The following TNFRSF1A variants were observed in gnomAD, a reference collection of about 807,000 sequenced individuals.
TNFRSF1A encodes the protein tumor necrosis factor receptor superfamily member 1A.
TNFRSF1A carries 9 observed loss-of-function variants against 41.6 expected under a neutral mutation model. The ratio of observed to expected loss-of-function variants is 0.22; its 90% CI spans 0.13 to 0.38. The LOEUF (loss-of-function observed/expected upper bound fraction) is 0.38, where lower values mean the gene tolerates loss of function less well. Ranked by LOEUF, TNFRSF1A falls within the 10% of genes least tolerant of loss-of-function variation. TNFRSF1A has a pLI of 1.00. For missense variants in TNFRSF1A, 463 were observed against 591.5 expected, an observed-to-expected ratio of 0.78 and a Z score of 2.25; for synonymous variants, 254 against 248.6, an observed-to-expected ratio of 1.02 and a Z score of -0.21.
At position 6,341,926 on chromosome 12, in the gene TNFRSF1A, GGT is replaced by G. The variant is rs1948200989; in HGVS notation, c.-114_-113del. On this transcript the variant is annotated 5_prime_UTR_variant, in exon 1 of 10. An upstream open reading frame in the 5' UTR gains an earlier in-frame stop. Transcript: ENST00000162749. The surrounding 1 kb of genome is among the most constrained non-coding windows in gnomAD (Gnocchi z 4.6). ...GTCCAGGACGTCCCAAGTGCCTTGGGGTGACAGTTGAGGGTTGAGACTCGGGC... is the reference window on the plus strand; with the variant it reads ...GTCCAGGACGTCCCAAGTGCCTTGGGGACAGTTGAGGGTTGAGACTCGGGC... The G allele has an allele frequency of 8.4e-7, 1 of 1,185,184 alleles. No homozygotes were observed. Among genetic ancestry groups the G allele is most frequent in the African/African-American group, 1.5e-5 (1 of 66,544 alleles). The allele number at this position is 1,185,184 out of a possible 1,614,324, so 73.4% of individuals were successfully genotyped here. A position where few individuals can be genotyped will look rare whatever the true frequency, so the allele number is the denominator to read the frequency against.
At position 6,329,821 on chromosome 12, in the gene TNFRSF1A, A is replaced by G. The variant is rs1305780455; in HGVS notation, c.1014T>C (p.Leu338=). Residue 338 remains leucine (L), a synonymous_variant, in exon 9 of 10, where the codon CTT becomes CTC. Coordinates refer to ENST00000162749, the MANE Select transcript of TNFRSF1A (RefSeq NM_001065.4). The part of the protein sequence containing the change: ...ALASDPIPNP[L]QKWEDSAHKP... ...TGTGGGCGCTGTCCTCCCACTTCTG[A>G]AGGGGGTTGGGGATGGGGTCGGAGG... The G allele has an allele frequency of 6.2e-7, 1 of 1,604,152 alleles. No homozygotes were observed. The highest frequency in any genetic ancestry group is 8.5e-7 in the Non-Finnish European group (1 of 1,176,738).
At chr12:6,332,000 C>CAAAA (rs750532640) in intron 5 of TNFRSF1A, 197 of 78,548 alleles carry the variant, frequency 2.5e-3, no homozygotes, top group Middle Eastern at 7.6e-3. Flanking sequence ...GACTCTGTGT[C>CAAAA]AAAAAAAAAA....
chr12:6,341,910 G>T lies in TNFRSF1A; in HGVS notation c.-96C>A. 2 of 1,376,180 alleles carry T rather than the reference G, an allele frequency of 1.5e-6. No homozygotes were observed. 85.2% of individuals were successfully genotyped at this position (1,376,180 alleles called of 1,614,324 possible). A position where few individuals can be genotyped will look rare whatever the true frequency, so the allele number is the denominator to read the frequency against. ...TCCCGGGACTCGGTCTGTCCAGGAC[G>T]TCCCAAGTGCCTTGGGGTGACAGTT... On this transcript the variant is annotated 5_prime_UTR_variant, in exon 1 of 10. Transcript: ENST00000162749. This position sits in a 1 kb window ranked among gnomAD's most constrained non-coding sequence, Gnocchi z 4.6.
chr12:6,336,603 CCT>C (rs1302756098), intron 1 of TNFRSF1A, among the ~76,000 whole-genome samples: 1 of 152,170 alleles, frequency 6.6e-6, no homozygotes, highest in African/African-American at 2.4e-5. Context: ...GAAATGCCTC[CCT>C]CTCCCCATTC....
rs1033241696 is a variant in TNFRSF1A, at chr12:6,334,967, T to G, written c.40-723A>C. 9.9e-5 allele frequency among the ~76,000 whole-genome samples: 15 copies of G among 152,224 alleles called. No homozygotes were observed. Among genetic ancestry groups the G allele is most frequent in the African/African-American group, 2.9e-4 (12 of 41,524 alleles). ...GGTGTTTCTCCATCTGGGTGCTGGG[T>G]TCACCGTGTGATCGCTTTGCGAACA... On this transcript the variant is annotated intron_variant, in intron 1 of 9. Transcript: ENST00000162749. This position sits in a 1 kb window ranked among gnomAD's most constrained non-coding sequence, Gnocchi z 5.1.
intron 1 of TNFRSF1A, among the ~76,000 whole-genome samples, chr12:6,335,057 T>C: frequency 6.6e-6 from 1 of 152,170 alleles, no homozygotes; most frequent in East Asian, 1.9e-4. Context: ...TGAAAAGCTT[T>C]CTGAAAAAGT....
Position 6,333,104 on chromosome 12 carries a change from G to A in TNFRSF1A, c.516C>T (p.Phe172=). 1 of 1,614,250 alleles carries A rather than the reference G, an allele frequency of 6.2e-7. No individual in the cohort carries two copies. The highest frequency in any genetic ancestry group is 2.2e-5 in the East Asian group (1 of 44,890). ...QNTVCTCHAG[F]FLRENECVSC... Reference sequence around the variant, plus strand: ...AGACACACTCGTTTTCTCTTAGAAAGAAACCTGCATGGCAGGTGCACACGG... The same window carrying A: ...AGACACACTCGTTTTCTCTTAGAAAAAAACCTGCATGGCAGGTGCACACGG... Residue 172 remains phenylalanine (F), a synonymous_variant, in exon 5 of 10, where the codon TTC becomes TTT. Coordinates refer to ENST00000162749, the MANE Select transcript of TNFRSF1A (RefSeq NM_001065.4). This position sits in a 1 kb window ranked among gnomAD's most constrained non-coding sequence, Gnocchi z 6.3.
At chr12:6,338,579 CTTTTTT>C (rs11344522) in intron 1 of TNFRSF1A, among the ~76,000 whole-genome samples, 1 of 136,674 alleles carries the variant, frequency 7.3e-6, no homozygotes, top group Non-Finnish European at 1.6e-5. Context: ...TGCCTCACTA[CTTTTTT>C]TTTTTTTTTT....
rs1486465975 is a variant in TNFRSF1A, at chr12:6,334,368, G to A, written c.40-124C>T. 15 of 777,212 alleles carry A rather than the reference G, an allele frequency of 1.9e-5. No homozygotes were observed. Among genetic ancestry groups the A allele is most frequent in the African/African-American group, 7.0e-5 (4 of 57,324 alleles). The allele number at this position is 777,212 out of a possible 1,614,324, so 48.1% of individuals were successfully genotyped here. On this transcript the variant is annotated intron_variant, in intron 1 of 9. Transcript: ENST00000162749. This position sits in a 1 kb window ranked among gnomAD's most constrained non-coding sequence, Gnocchi z 5.1. ...CAGTGAAACATTCCGCCCAGGCCAC[G>A]CCACTCACTAAGTTTAGAGTTCTTC...
At chr12:6,331,454 G>T in intron 5 of TNFRSF1A, 1 of 211,424 alleles carries the variant, frequency 4.7e-6, no homozygotes, top group Non-Finnish European at 9.8e-6. Flanking sequence ...TCGGGGAGTC[G>T]GGGTCAAACA....
At position 6,337,175 on chromosome 12, in the gene TNFRSF1A, C is replaced by G. The variant is rs1036162513; in HGVS notation, c.40-2931G>C. Among the ~76,000 whole-genome samples, 1 of 152,220 alleles carries G rather than the reference C, an allele frequency of 6.6e-6. No individual in the cohort carries two copies. Among genetic ancestry groups the G allele is most frequent in the African/African-American group, 2.4e-5 (1 of 41,456 alleles). Reference sequence around the variant, plus strand: ...CCCTCAGACTCCCCACCACTGGGCACCACTGCTGGCACCAGCTGGCCCCAG... The same window carrying G: ...CCCTCAGACTCCCCACCACTGGGCAGCACTGCTGGCACCAGCTGGCCCCAG... On this transcript the variant is annotated intron_variant, in intron 1 of 9. Transcript: ENST00000162749. This position sits in a 1 kb window ranked among gnomAD's most constrained non-coding sequence, Gnocchi z 4.6.
At chr12:6,332,349 G>C (rs1948060848) in intron 5 of TNFRSF1A, among the ~76,000 whole-genome samples, 1 of 151,214 alleles carries the variant, frequency 6.6e-6, no homozygotes, top group Non-Finnish European at 1.5e-5. Flanking sequence ...TAAGGCAAGA[G>C]GATGGCTTGA....
rs992956003 is a variant in TNFRSF1A, at chr12:6,333,991, C to T, written c.193+100G>A. On this transcript the variant is annotated intron_variant, in intron 2 of 9. Transcript: ENST00000162749. The surrounding 1 kb of genome is among the most constrained non-coding windows in gnomAD (Gnocchi z 6.3). ...GAGGAGGGAGGGAGAAAATCCCAGC[C>T]CAGGAGAGACAGCAAAGTTAGGGAA... 4 of 1,611,482 alleles carry T rather than the reference C, an allele frequency of 2.5e-6. No homozygotes were observed. In the Admixed American group the frequency reaches 5.0e-5, roughly 20 times the overall value.
Position 6,329,286 on chromosome 12 carries a change from T to C in TNFRSF1A, c.*26A>G, listed in dbSNP as rs1947993064. The C allele has an allele frequency of 2.1e-6, 3 of 1,454,114 alleles. No individual in the cohort carries two copies. The East Asian group carries it at 7.7e-5, about 37-fold the overall frequency. The allele number at this position is 1,454,114 out of a possible 1,614,324, so 90.1% of individuals were successfully genotyped here. On this transcript the variant is annotated 3_prime_UTR_variant, in exon 10 of 10. Coordinates refer to ENST00000162749, the MANE Select transcript of TNFRSF1A (RefSeq NM_001065.4). The stretch of plus-strand genomic sequence containing the variant: ...GGAAGGCGATCTCGCAGGACGGTCC[T>C]TAGAGCTGCCCGCAGGGGCGCAGCC...
chr12:6,340,968 G>C (rs1042996462), intron 1 of TNFRSF1A, among the ~76,000 whole-genome samples: 4 of 152,212 alleles, frequency 2.6e-5, no homozygotes, highest in Admixed American at 1.3e-4. Context: ...TTGTTGTTTA[G>C]GTCTGTGAGA....
intron 6 of TNFRSF1A, 61 bp from the exon 7 acceptor site, chr12:6,330,772 G>A: frequency 6.4e-7 from 1 of 1,571,930 alleles, no homozygotes. Flanking sequence ...GGGATAGATG[G>A]ATGGGTGGGA....
chr12:6,340,761 C>T (rs1014451597), intron 1 of TNFRSF1A, among the ~76,000 whole-genome samples: 4 of 152,038 alleles, frequency 2.6e-5, no homozygotes, highest in Non-Finnish European at 4.4e-5. Flanking sequence ...CTTCAGAGGC[C>T]GGGCAGGGCA....
At position 6,341,938 on chromosome 12, in the gene TNFRSF1A, G is replaced by A; in HGVS notation, c.-124C>T. ...CCAAGTGCCTTGGGGTGACAGTTGAGGGTTGAGACTCGGGCATAGAGATCA... is the reference window on the plus strand; with the variant it reads ...CCAAGTGCCTTGGGGTGACAGTTGAAGGTTGAGACTCGGGCATAGAGATCA... On this transcript the variant is annotated 5_prime_UTR_variant, in exon 1 of 10. Coordinates refer to ENST00000162749, the MANE Select transcript of TNFRSF1A (RefSeq NM_001065.4). This position sits in a 1 kb window ranked among gnomAD's most constrained non-coding sequence, Gnocchi z 4.6. 1 of 993,900 alleles carries A rather than the reference G, an allele frequency of 1.0e-6. No homozygotes were observed. Among genetic ancestry groups the A allele is most frequent in the Non-Finnish European group, 1.6e-6 (1 of 632,772 alleles). 61.6% of individuals were successfully genotyped at this position (993,900 alleles called of 1,614,324 possible).
In TNFRSF1A at chr12:6,330,641, T is replaced by G; in HGVS notation, c.696A>C (p.Leu232Phe). Residue 232 changes from leucine (L) to phenylalanine (F), a missense_variant, in exon 7 of 10, where the codon TTA becomes TTC. Coordinates refer to ENST00000162749, the MANE Select transcript of TNFRSF1A (RefSeq NM_001065.4). ...ACTTCCACCGTTGGTAGCGATACAT[T>G]AAACCAATGAAGAGGAGGGATAAAA... ...LCLLSLLFIG[L>F]MYRYQRWKSK... The G allele has an allele frequency of 6.2e-7, 1 of 1,613,882 alleles. No individual in the cohort carries two copies. The highest frequency in any genetic ancestry group is 1.1e-5 in the South Asian group (1 of 91,066).
Sources: gnomAD v4.1 joint callset for allele counts (sites outside exome capture counted in the v4.1 genomes callset) on GRCh38, gnomAD v4.1.1 for gene constraint, Gnocchi (gnomAD v3.1) non-coding constraint, MANE v1.5 for transcripts, NCBI Gene and HGNC (gene_info 2026-07-23, HGNC 2026-07-21) for gene names.